MCTP2: variants seen among roughly 807,000 people sequenced by gnomAD.
MCTP2 encodes multiple C2 and transmembrane domain containing 2, also known as multiple C2 and transmembrane domain-containing protein 2.
MCTP2 carries 132 observed loss-of-function variants against 111.6 expected under a neutral mutation model. That is an observed-to-expected ratio of 1.18 (90% confidence interval 1.03 to 1.37). MCTP2 has a LOEUF of 1.37. Among genes scored for constraint, MCTP2 ranks in the 40% most tolerant of loss-of-function variants. MCTP2 has a pLI of 0.00. For synonymous variants in MCTP2, 395 were observed against 387.7 expected, an observed-to-expected ratio of 1.02 and a Z score of -0.22; for missense variants, 1,183 against 1,067.9, an observed-to-expected ratio of 1.11 and a Z score of -1.50.
chr15:94,360,706 CAAAA>C (rs1197030497), intron 10 of MCTP2, among the ~76,000 whole-genome samples: 1 of 151,620 alleles, frequency 6.6e-6, no homozygotes, highest in South Asian at 2.1e-4. Context: ...TTCACAGAGA[CAAAA>C]AAAGTAATTT....
intron 12 of MCTP2, among the ~76,000 whole-genome samples, chr15:94,379,713 A>T (rs115131983): frequency 0.012 from 1,713 of 147,038 alleles, 37 homozygotes; most frequent in African/African-American, 0.04. Flanking sequence ...CATATATATG[A>T]TATATAATAT....
At chr15:94,329,709 G>A (rs1216038821) in intron 4 of MCTP2, among the ~76,000 whole-genome samples, 1 of 152,104 alleles carries the variant, frequency 6.6e-6, no homozygotes, top group African/African-American at 2.4e-5. Context: ...TCAATATGAG[G>A]TGTGGATGGG....
At chr15:94,254,564 C>T (rs2072646683) in intron 1 of MCTP2, among the ~76,000 whole-genome samples, 1 of 152,184 alleles carries the variant, frequency 6.6e-6, no homozygotes, top group African/African-American at 2.4e-5. Context: ...TATTTATATC[C>T]CTAAATTATC....
At chr15:94,363,821 A>G (rs2079055614) in intron 10 of MCTP2, among the ~76,000 whole-genome samples, 1 of 152,104 alleles carries the variant, frequency 6.6e-6, no homozygotes, top group Non-Finnish European at 1.5e-5. Context: ...GACTGTCCAA[A>G]GACATTTAGT....
chr15:94,317,066 T>A (rs190185768), intron 4 of MCTP2, among the ~76,000 whole-genome samples: 1 of 152,350 alleles, frequency 6.6e-6, no homozygotes, highest in East Asian at 1.9e-4. Context: ...ACTGTTCTGT[T>A]TACCAATTGT....
At chr15:94,407,760 C>A (rs2081970882) in intron 17 of MCTP2, among the ~76,000 whole-genome samples, 1 of 146,982 alleles carries the variant, frequency 6.8e-6, no homozygotes. Context: ...ACCCTTCCAA[C>A]ACACATGTAC....
chr15:94,404,984 C>T (rs2081831041), intron 17 of MCTP2, among the ~76,000 whole-genome samples: 1 of 152,180 alleles, frequency 6.6e-6, no homozygotes, highest in South Asian at 2.1e-4. Flanking sequence ...GTTCATGTTC[C>T]AACTGCTCGC....
At chr15:94,322,252 G>T (rs1301038892) in intron 4 of MCTP2, among the ~76,000 whole-genome samples, 1 of 151,970 alleles carries the variant, frequency 6.6e-6, no homozygotes, top group Non-Finnish European at 1.5e-5. Context: ...CCATGGAGGA[G>T]CAGCAGCTTT....
At chr15:94,325,245 T>C (rs961772808) in intron 4 of MCTP2, among the ~76,000 whole-genome samples, 3 of 152,160 alleles carry the variant, frequency 2.0e-5, no homozygotes, top group African/African-American at 7.2e-5. Context: ...GTGTGTGTGC[T>C]TGTGGAGACT....
chr15:94,379,133 A>T (rs1386393360), intron 12 of MCTP2, among the ~76,000 whole-genome samples: 2 of 151,610 alleles, frequency 1.3e-5, no homozygotes, highest in African/African-American at 4.9e-5. Flanking sequence ...CAGAGGGACA[A>T]CCTATTCCCC....
intron 1 of MCTP2, among the ~76,000 whole-genome samples, chr15:94,240,945 G>A (rs986729844): frequency 5.9e-5 from 9 of 152,144 alleles, no homozygotes; most frequent in Non-Finnish European, 8.8e-5. Context: ...CTATTGATTA[G>A]ATCAAGGTAC....
intron 2 of MCTP2, among the ~76,000 whole-genome samples, chr15:94,302,147 T>C (rs2075645918): frequency 6.6e-6 from 1 of 152,114 alleles, no homozygotes; most frequent in Admixed American, 6.5e-5. Flanking sequence ...CCCTAGGGGT[T>C]TGCCTCTTCT....
intron 18 of MCTP2, 73 bp from the exon 19 acceptor site, chr15:94,442,846 A>C: frequency 7.8e-7 from 1 of 1,287,876 alleles, no homozygotes; most frequent in East Asian, 2.3e-5. Flanking sequence ...CAAGCTTTAA[A>C]ATGTGTCTGA....
In MCTP2 at chr15:94,481,552, G is replaced by A. The variant is rs941844198; in HGVS notation, c.*2518G>A. 1 of 152,240 alleles carries A rather than the reference G, an allele frequency of 6.6e-6. No individual in the cohort carries two copies. The allele number at this position is 152,240 out of a possible 1,614,324, so 9.4% of individuals were successfully genotyped here. A position where few individuals can be genotyped will look rare whatever the true frequency, so the allele number is the denominator to read the frequency against. On this transcript the variant is annotated 3_prime_UTR_variant, in exon 23 of 23. Transcript: ENST00000357742. ...ATTATGCCTAGTTAATCTTCATTCAGACTGGAAGGACCTGCCCCCAGTTGT... is the reference window on the plus strand; with the variant it reads ...ATTATGCCTAGTTAATCTTCATTCAAACTGGAAGGACCTGCCCCCAGTTGT...
chr15:94,315,468 C>A, intron 3 of MCTP2, 61 bp from the exon 4 acceptor site: 2 of 1,237,914 alleles, frequency 1.6e-6, no homozygotes, highest in Non-Finnish European at 2.3e-6. Context: ...AGAAGTATTT[C>A]TGAAATTCTC....
intron 14 of MCTP2, among the ~76,000 whole-genome samples, chr15:94,392,834 C>A (rs974440602): frequency 5.4e-5 from 8 of 149,128 alleles, no homozygotes; most frequent in South Asian, 2.1e-4. Context: ...AACAAACAAA[C>A]AAACAAAAAA....
At position 94,276,203 on chromosome 15, in the gene MCTP2, G is replaced by T. The variant is rs199762011; in HGVS notation, c.-65-21998G>T. On this transcript the variant is annotated intron_variant, in intron 1 of 22. Coordinates refer to ENST00000357742, the MANE Select transcript of MCTP2 (RefSeq NM_001385001.1). The stretch of plus-strand genomic sequence containing the variant: ...CATTAATTCTTTGTATTCTATGCCA[G>T]AAAAAATAATACTAAAAATAATAGG... Among the ~76,000 whole-genome samples, 10 of 152,050 alleles carry T rather than the reference G, an allele frequency of 6.6e-5. No individual in the cohort carries two copies. In the East Asian group the frequency reaches 1.9e-3, roughly 29 times the overall value.
intron 20 of MCTP2, among the ~76,000 whole-genome samples, chr15:94,469,808 G>A (rs1004645711): frequency 6.6e-6 from 1 of 151,960 alleles, no homozygotes; most frequent in African/African-American, 2.4e-5. Flanking sequence ...GGGGGTCGAG[G>A]CTGCAGTGAG....
At chr15:94,244,622 A>T (rs1276669479) in intron 1 of MCTP2, among the ~76,000 whole-genome samples, 1 of 148,330 alleles carries the variant, frequency 6.7e-6, no homozygotes, top group Non-Finnish European at 1.5e-5. Flanking sequence ...ATGTATACAC[A>T]TACATATGCA....
Sources: allele counts gnomAD v4.1 joint callset (sites outside exome capture counted in the v4.1 genomes callset), GRCh38; gene constraint gnomAD v4.1.1; transcripts MANE v1.5; gene names NCBI Gene and HGNC (gene_info 2026-07-23, HGNC 2026-07-21).